TMEM135: variants seen among roughly 807,000 people sequenced by gnomAD.
TMEM135 encodes peroxisomal membrane protein 52.
In TMEM135, 30 loss-of-function variants were observed where a neutral mutation model predicts 60.3. The observed-to-expected ratio is 0.50, with a 90% CI of 0.37 to 0.68. TMEM135 has a LOEUF of 0.68. Among genes scored for constraint, TMEM135 ranks in the 30% least tolerant of loss-of-function variants. The probability of loss-of-function intolerance (pLI) is 0.00; values close to 1 mark genes in which losing one functional copy is unlikely to be tolerated. For missense variants in TMEM135, 468 were observed against 548.8 expected (o/e 0.85, Z 1.47); for synonymous variants, 190 against 186.7 (o/e 1.02, Z -0.14).
At chr11:87,307,311 G>T (rs1942566192) in intron 9 of TMEM135, among the ~76,000 whole-genome samples, 1 of 147,890 alleles carries the variant, frequency 6.8e-6, no homozygotes, top group Admixed American at 6.9e-5. Flanking sequence ...GTTTTGTTTT[G>T]TTCCTCAGTT....
intron 5 of TMEM135, among the ~76,000 whole-genome samples, chr11:87,158,101 AT>A (rs1261817054): frequency 1.3e-5 from 2 of 152,030 alleles, no homozygotes; most frequent in African/African-American, 4.8e-5. Flanking sequence ...AGAAATCCCT[AT>A]TTTTGAGGAG....
intron 5 of TMEM135, among the ~76,000 whole-genome samples, chr11:87,171,197 G>A (rs1939227323): frequency 6.6e-6 from 1 of 152,082 alleles, no homozygotes; most frequent in African/African-American, 2.4e-5. Flanking sequence ...TTGAAGGGAA[G>A]TAACATTTGT....
At chr11:87,135,868 A>G (rs1283537105) in intron 4 of TMEM135, among the ~76,000 whole-genome samples, 2 of 152,034 alleles carry the variant, frequency 1.3e-5, no homozygotes, top group Non-Finnish European at 2.9e-5. Context: ...TTGACCAATG[A>G]AAATTGAATA....
chr11:87,067,628 C>G, intron 1 of TMEM135, 66 bp from the exon 2 acceptor site: 1 of 1,588,336 alleles, frequency 6.3e-7, no homozygotes, highest in East Asian at 2.3e-5. Context: ...CAGTAGCTTC[C>G]ACATATAAGC....
intron 4 of TMEM135, among the ~76,000 whole-genome samples, chr11:87,112,337 T>G (rs74959959): frequency 2.0e-5 from 3 of 152,056 alleles, no homozygotes; most frequent in Admixed American, 6.6e-5. Flanking sequence ...TTAATTTACA[T>G]TCATTCAGTT....
At chr11:87,223,562 A>C (rs1442796830) in intron 5 of TMEM135, among the ~76,000 whole-genome samples, 4 of 151,812 alleles carry the variant, frequency 2.6e-5, no homozygotes, top group Admixed American at 6.6e-5. Context: ...TAGAAAAAAA[A>C]CCCCAAAAAG....
chr11:87,067,501 T>C (rs1856689603), intron 1 of TMEM135, among the ~76,000 whole-genome samples, 193 bp from the exon 2 acceptor site: 1 of 152,178 alleles, frequency 6.6e-6, no homozygotes, highest in African/African-American at 2.4e-5. Context: ...CCTTGGTGTA[T>C]ATTTTACCCT....
chr11:87,169,857 A>T (rs1315297041), intron 5 of TMEM135, among the ~76,000 whole-genome samples: 1 of 152,096 alleles, frequency 6.6e-6, no homozygotes, highest in Non-Finnish European at 1.5e-5. Flanking sequence ...TGTCTTGCTA[A>T]GTTGGGAAGT....
intron 5 of TMEM135, among the ~76,000 whole-genome samples, chr11:87,209,652 A>G (rs931628531): frequency 6.6e-6 from 1 of 152,148 alleles, no homozygotes; most frequent in African/African-American, 2.4e-5. Flanking sequence ...ACTAACAAAG[A>G]TATTCTGGAC....
intron 6 of TMEM135, among the ~76,000 whole-genome samples, chr11:87,249,435 A>G (rs533020023): frequency 6.6e-6 from 1 of 151,894 alleles, no homozygotes; most frequent in Non-Finnish European, 1.5e-5. Context: ...TGTCTTGTTG[A>G]TCTTTTGTAT....
At chr11:87,275,524 TTGTC>T (rs1424570824) in intron 6 of TMEM135, among the ~76,000 whole-genome samples, 3 of 152,130 alleles carry the variant, frequency 2.0e-5, no homozygotes, top group Non-Finnish European at 2.9e-5. Context: ...TATTAAGTAT[TTGTC>T]TGGCAGGATA....
chr11:87,267,334 C>T (rs1941771166), intron 6 of TMEM135, among the ~76,000 whole-genome samples: 1 of 151,852 alleles, frequency 6.6e-6, no homozygotes, highest in African/African-American at 2.4e-5. Context: ...TGAGAAAGTC[C>T]TAAATGATAA....
At chr11:87,239,720 G>A (rs1026232135) in intron 6 of TMEM135, among the ~76,000 whole-genome samples, 1 of 148,100 alleles carries the variant, frequency 6.8e-6, no homozygotes, top group East Asian at 2.0e-4. Flanking sequence ...GGGGAAATGA[G>A]GCCTGCTTTC....
intron 6 of TMEM135, among the ~76,000 whole-genome samples, chr11:87,247,514 C>T (rs563933382): frequency 3.3e-5 from 5 of 152,216 alleles, no homozygotes; most frequent in South Asian, 2.1e-4. Context: ...CCACCCAGTT[C>T]GAGCTTCCCA....
At chr11:87,170,785 A>G (rs1331587172) in intron 5 of TMEM135, among the ~76,000 whole-genome samples, 1 of 152,040 alleles carries the variant, frequency 6.6e-6, no homozygotes, top group Non-Finnish European at 1.5e-5. Context: ...TCACTTGAGG[A>G]GGCACTTTGT....
At chr11:87,073,520 C>G (rs1856812411) in intron 3 of TMEM135, among the ~76,000 whole-genome samples, 1 of 152,146 alleles carries the variant, frequency 6.6e-6, no homozygotes, top group Non-Finnish European at 1.5e-5. Context: ...ATAGGTTACT[C>G]CACCTGAAAA....
At chr11:87,187,672 A>G (rs1312091200) in intron 5 of TMEM135, among the ~76,000 whole-genome samples, 1 of 152,246 alleles carries the variant, frequency 6.6e-6, no homozygotes, top group Non-Finnish European at 1.5e-5. Flanking sequence ...CTTAATGCGT[A>G]TAGTACTTTG....
In TMEM135 at chr11:87,083,619, G is replaced by A. The variant is rs537100361; in HGVS notation, c.363-7743G>A. On this transcript the variant is annotated intron_variant, in intron 3 of 14. Transcript: ENST00000305494. ...AAAAGAATACTCATAAATTTGGTCT[G>A]TAAGTTCTTGGTATCTTCAAGTTTC... Among the ~76,000 whole-genome samples the A allele has an allele frequency of 1.1e-4, 16 of 152,274 alleles. No individual in the cohort carries two copies. In the South Asian group the frequency reaches 1.2e-3, roughly 12 times the overall value.
At chr11:87,239,664 T>A (rs1470550487) in intron 6 of TMEM135, among the ~76,000 whole-genome samples, 1 of 151,806 alleles carries the variant, frequency 6.6e-6, no homozygotes, top group African/African-American at 2.4e-5. Context: ...TTGAAATAAG[T>A]CAACTTGTGT....
Sources: allele counts gnomAD v4.1 joint callset (sites outside exome capture counted in the v4.1 genomes callset), GRCh38; gene constraint gnomAD v4.1.1; transcripts MANE v1.5; gene names NCBI Gene and HGNC (gene_info 2026-07-23, HGNC 2026-07-21).